Variants in TLL1 observed in about 807,000 individuals in gnomAD.
The protein encoded by TLL1 is tolloid-like protein 1.
TLL1 carries 49 observed loss-of-function variants against 128.2 expected under a neutral mutation model. The observed-to-expected ratio is 0.38, with a 90% CI of 0.30 to 0.48. The LOEUF is 0.48. TLL1 is among the 20% of genes least tolerant of loss of function. The pLI is 0.96. For missense variants in TLL1, 1,123 were observed against 1,242.0 expected, an observed-to-expected ratio of 0.90 and a Z score of 1.44; for synonymous variants, 454 against 418.8, an observed-to-expected ratio of 1.08 and a Z score of -1.03.
intron 1 of TLL1, among the ~76,000 whole-genome samples, chr4:165,913,717 C>T (rs1057092557): frequency 2.0e-5 from 3 of 152,076 alleles, no homozygotes; most frequent in Non-Finnish European, 4.4e-5. Flanking sequence ...TTAGGTACTA[C>T]AAGAAGGCAG....
At chr4:166,069,408 A>C (rs1313661545) in intron 16 of TLL1, among the ~76,000 whole-genome samples, 1 of 151,762 alleles carries the variant, frequency 6.6e-6, no homozygotes, top group Non-Finnish European at 1.5e-5. Flanking sequence ...AAGAATTTTC[A>C]AGGAACTCAA....
At chr4:166,011,796 GA>G (rs1484553634) in intron 7 of TLL1, among the ~76,000 whole-genome samples, 2 of 151,442 alleles carry the variant, frequency 1.3e-5, no homozygotes, top group Non-Finnish European at 3.0e-5. Context: ...TTATTATGTT[GA>G]GGTAGCTTCC....
At chr4:165,997,803 C>G (rs547381097) in intron 5 of TLL1, among the ~76,000 whole-genome samples, 4 of 152,244 alleles carry the variant, frequency 2.6e-5, no homozygotes, top group African/African-American at 9.6e-5. Context: ...ATTATAAGTA[C>G]AGTTTATGTA....
intron 18 of TLL1, among the ~76,000 whole-genome samples, chr4:166,084,530 G>A (rs1382423563): frequency 6.6e-6 from 1 of 152,004 alleles, no homozygotes; most frequent in African/African-American, 2.4e-5. Context: ...TTATATTTAC[G>A]TCTTTAATTC....
rs536292333 is a variant in TLL1, at chr4:165,953,614, C to G, written c.170-35767C>G. ...AGGAAACACCTTCGAGATAGGTCAT[C>G]TATTTGCTCTGTCATATATATATAT... On this transcript the variant is annotated intron_variant, in intron 1 of 20. Coordinates refer to ENST00000061240, the MANE Select transcript of TLL1 (RefSeq NM_012464.5). Among the ~76,000 whole-genome samples, 261 of 117,340 alleles carry G rather than the reference C, an allele frequency of 2.2e-3. 1 individual carries two copies. The highest frequency in any genetic ancestry group is 9.3e-3 in the African/African-American group (249 of 26,896). The allele number at this position is 117,340 out of a possible 152,430, so 77.0% of individuals were successfully genotyped here. A position where few individuals can be genotyped will look rare whatever the true frequency, so the allele number is the denominator to read the frequency against.
chr4:166,047,445 T>C (rs544692352), intron 12 of TLL1, among the ~76,000 whole-genome samples: 1 of 150,778 alleles, frequency 6.6e-6, no homozygotes, highest in East Asian at 1.9e-4. Flanking sequence ...ATTACAGGTA[T>C]GAGCCACCGC....
chr4:166,020,650 G>C (rs189486131), intron 8 of TLL1, among the ~76,000 whole-genome samples: 30 of 151,692 alleles, frequency 2.0e-4, no homozygotes, highest in African/African-American at 6.8e-4. Flanking sequence ...CTATTCTTTT[G>C]TTTTAATCTG....
chr4:166,052,965 G>GTGTGTGTGTGTGTGTATATATATATA, intron 12 of TLL1, among the ~76,000 whole-genome samples: 1 of 99,648 alleles, frequency 1.0e-5, no homozygotes, highest in African/African-American at 3.8e-5. Context: ...GAGGTTATGT[G>GTGTGTGTGTGTGTGTATATATATATA]TATATATATA....
At chr4:165,952,029 T>C (rs1337870674) in intron 1 of TLL1, among the ~76,000 whole-genome samples, 1 of 152,148 alleles carries the variant, frequency 6.6e-6, no homozygotes, top group Admixed American at 6.6e-5. Context: ...ATGTTTTATG[T>C]TGAGGTAGCT....
chr4:165,903,260 C>T (rs2110856600), intron 1 of TLL1, among the ~76,000 whole-genome samples: 1 of 152,006 alleles, frequency 6.6e-6, no homozygotes, highest in Non-Finnish European at 1.5e-5. Flanking sequence ...ATGGCTTGAA[C>T]CCAGGAGGTG....
rs116085028 is a variant in TLL1, at chr4:166,090,695, C to A, written c.2443-433C>A. On this transcript the variant is annotated intron_variant, in intron 18 of 20. Transcript: ENST00000061240. ...TAAGTTTTGTAAAAATATAATAATA[C>A]TTTATTGAGTTTAGTTTAAGTGCCT... Among the ~76,000 whole-genome samples the A allele has an allele frequency of 4.8e-3, 728 of 151,908 alleles. 7 individuals are homozygous for A. Among genetic ancestry groups the A allele is most frequent in the African/African-American group, 0.017 (695 of 41,466 alleles).
At chr4:165,951,628 T>A (rs1459696798) in intron 1 of TLL1, among the ~76,000 whole-genome samples, 1 of 152,118 alleles carries the variant, frequency 6.6e-6, no homozygotes, top group Non-Finnish European at 1.5e-5. Context: ...GTTACCCTAA[T>A]GACATAGTAC....
intron 19 of TLL1, among the ~76,000 whole-genome samples, chr4:166,093,122 C>T (rs1741852146): frequency 6.6e-6 from 1 of 152,064 alleles, no homozygotes; most frequent in Admixed American, 6.6e-5. Flanking sequence ...GGACGAGAGA[C>T]TGAGAAAAGA....
intron 8 of TLL1, among the ~76,000 whole-genome samples, chr4:166,022,422 C>T (rs867662044): frequency 2.4e-4 from 36 of 152,230 alleles, no homozygotes; most frequent in Admixed American, 5.2e-4. Context: ...TTATTCAGCC[C>T]GCCTTGGCCT....
intron 1 of TLL1, among the ~76,000 whole-genome samples, chr4:165,924,425 C>G (rs1733178859): frequency 6.6e-6 from 1 of 152,134 alleles, no homozygotes; most frequent in South Asian, 2.1e-4. Flanking sequence ...ATCAGTCAAC[C>G]ACAACATTCG....
chr4:166,028,506 G>A (rs1738610956), intron 9 of TLL1, among the ~76,000 whole-genome samples: 1 of 151,856 alleles, frequency 6.6e-6, no homozygotes, highest in Non-Finnish European at 1.5e-5. Flanking sequence ...CAATGGTTGG[G>A]TGCATCATCT....
chr4:166,012,933 T>C (rs1226177004), intron 7 of TLL1, among the ~76,000 whole-genome samples: 3 of 151,794 alleles, frequency 2.0e-5, no homozygotes, highest in Non-Finnish European at 4.4e-5. Context: ...ATAAAATTGC[T>C]CATAGATCAT....
chr4:166,061,488 G>A (rs926918064), intron 15 of TLL1, among the ~76,000 whole-genome samples: 29 of 151,826 alleles, frequency 1.9e-4, no homozygotes, highest in Middle Eastern at 3.4e-3. Context: ...CAAGTGATCC[G>A]CCTGCCTCAG....
chr4:165,934,668 T>C (rs1733687434), intron 1 of TLL1, among the ~76,000 whole-genome samples: 1 of 152,214 alleles, frequency 6.6e-6, no homozygotes. Flanking sequence ...TACCACGTTC[T>C]TTCTTTAACA....
Sources: gnomAD v4.1 joint callset for allele counts (sites outside exome capture counted in the v4.1 genomes callset) on GRCh38, gnomAD v4.1.1 for gene constraint, MANE v1.5 for transcripts, NCBI Gene and HGNC (gene_info 2026-07-23, HGNC 2026-07-21) for gene names.